The following PCDH18 variants were observed in gnomAD, a reference collection of about 807,000 sequenced individuals.
PCDH18 encodes protocadherin 18, also known as protocadherin-18.
A neutral mutation model predicts 71.5 loss-of-function variants in PCDH18; 38 were observed. That is an observed-to-expected ratio of 0.53 (90% CI 0.41 to 0.70). The LOEUF (loss-of-function observed/expected upper bound fraction) is 0.70. Ranked by LOEUF, PCDH18 falls within the 30% of genes least tolerant of loss-of-function variation. The pLI, the probability that PCDH18 is intolerant of heterozygous loss-of-function variation, is 0.00. For synonymous variants in PCDH18, 565 were observed against 505.4 expected, an observed-to-expected ratio of 1.12 and a Z score of -1.58; for missense variants, 1,334 against 1,384.6, an observed-to-expected ratio of 0.96 and a Z score of 0.58.
At position 137,531,018 on chromosome 4, in the gene PCDH18, G is replaced by A. The variant is rs749659179; in HGVS notation, c.1071C>T (p.Asn357=). ...VNDNKPEINI[N]LMSPGKEEIS... ...TTTCTTCTTTTCCAGGGGACATGAG[G>A]TTGATGTTAATTTCAGGTTTATTGT... The change falls in exon 1 of 4, where the codon AAC becomes AAT. Residue 357 remains asparagine, a synonymous_variant. Transcript: ENST00000344876. 9.3e-6 allele frequency: 15 copies of A among 1,609,802 alleles called. No individual in the cohort carries two copies. The highest frequency in any genetic ancestry group is 6.7e-5 in the African/African-American group (5 of 74,604).
intron 1 of PCDH18, 167 bp downstream of exon 1, chr4:137,529,435 T>C (rs1731579228): frequency 1.9e-6 from 1 of 526,812 alleles, no homozygotes; most frequent in East Asian, 2.8e-5. Context: ...AACAGTATGC[T>C]AAAGTGTGCA....
chr4:137,528,896 G>T, intron 1 of PCDH18, 76 bp from the exon 2 acceptor site: 1 of 1,001,332 alleles, frequency 1.0e-6, no homozygotes, highest in Non-Finnish European at 1.6e-6. Context: ...AAGAAAAACA[G>T]TTGCTTGCTA....
At chr4:137,524,915 C>T (rs572954597) in intron 3 of PCDH18, among the ~76,000 whole-genome samples, 11 of 152,174 alleles carry the variant, frequency 7.2e-5, no homozygotes, top group Admixed American at 5.9e-4. Context: ...CACACTAAAC[C>T]TGTCATGGAA....
At chr4:137,529,429 G>C (rs1731578191) in intron 1 of PCDH18, 173 bp downstream of exon 1, 1 of 484,186 alleles carries the variant, frequency 2.1e-6, no homozygotes, top group Non-Finnish European at 3.6e-6. Flanking sequence ...ACTAAAAACA[G>C]TATGCTAAAG....
chr4:137,530,366 C>G lies in PCDH18; in HGVS notation c.1723G>C (p.Val575Leu). ...TTACGCAATGCAGGCCCTATAACCA[C>G]AGGAACGTTGTCATTTTCGTCAATG... Reference protein sequence around the residue: ...TIIDENDNVPVVIGPALRNNT... With the variant: ...TIIDENDNVPLVIGPALRNNT... Residue 575 changes from valine (V) to leucine (L), a missense_variant, in exon 1 of 4, where the codon GTG becomes CTG. Val to Leu is a conservative substitution (Grantham distance 32). Around this residue, in one of 3 missense-constraint regions of PCDH18, gnomAD observed 1,011 missense variants for 1,048.0 expected, o/e 0.96. Coordinates refer to ENST00000344876, the MANE Select transcript of PCDH18 (RefSeq NM_019035.5). The G allele has an allele frequency of 6.2e-7, 1 of 1,614,100 alleles. No homozygotes were observed. The highest frequency in any genetic ancestry group is 1.1e-5 in the South Asian group (1 of 91,080).
intron 3 of PCDH18, among the ~76,000 whole-genome samples, chr4:137,522,797 T>A (rs1289006053): frequency 2.6e-5 from 4 of 152,184 alleles, no homozygotes; most frequent in African/African-American, 9.7e-5. Context: ...CCCATTCCCT[T>A]ATTAGAGGAA....
rs544777252 is a variant in PCDH18 at position 137,528,829 on chromosome 4, C to G, written c.2488-9G>C. The G allele has an allele frequency of 1.4e-5, 23 of 1,592,020 alleles. No homozygotes were observed. The highest frequency in any genetic ancestry group is 1.2e-4 in the African/African-American group (9 of 74,550). On this transcript the variant is annotated splice_polypyrimidine_tract_variant and intron_variant, in intron 1 of 3. Coordinates refer to ENST00000344876, the MANE Select transcript of PCDH18 (RefSeq NM_019035.5). The stretch of plus-strand genomic sequence containing the variant: ...AGAAGCTGAGAGACCTGCTGGAAAC[C>G]AAATAGACAGAACTGATTCCCGGAA...
In PCDH18 at chr4:137,521,208, A is replaced by T. The variant is rs747138031; in HGVS notation, c.3229T>A (p.Ser1077Thr). The T allele has an allele frequency of 1.9e-6, 3 of 1,614,010 alleles. No homozygotes were observed. The highest frequency in any genetic ancestry group is 1.1e-5 in the South Asian group (1 of 91,078). The change falls in exon 4 of 4, where the codon TCC becomes ACC. Residue 1077 changes from serine (S) to threonine (T), a missense_variant. Around this residue, in one of 3 missense-constraint regions of PCDH18, gnomAD observed 319 missense variants for 316.3 expected, o/e 1.01. Transcript: ENST00000344876. The stretch of plus-strand genomic sequence containing the variant: ...CATTTTGAAGAAGGCTGCACACTGG[A>T]GTGAGTTCCAAGTGGCGGCCCACAG... ...TNCGPPLGTH[S>T]SVQPSSKWLP...
chr4:137,530,724 G>T lies in PCDH18; in HGVS notation c.1365C>A (p.Ile455=). 6.2e-7 allele frequency: 1 copy of T among 1,613,074 alleles called. No individual in the cohort carries two copies. The highest frequency in any genetic ancestry group is 8.5e-7 in the Non-Finnish European group (1 of 1,179,334). ...GGGGTGGATTGTCATTGATATCATT[G>T]ATTTGAACTGTAAAATGTTTCACTG... ...LSTVKHFTVQ[I]NDINDNPPHF... is the part of the protein sequence containing the mutation. Residue 455 remains isoleucine, a synonymous_variant, in exon 1 of 4, where the codon ATC becomes ATA. Coordinates refer to ENST00000344876, the MANE Select transcript of PCDH18 (RefSeq NM_019035.5).
intron 3 of PCDH18, among the ~76,000 whole-genome samples, chr4:137,523,150 A>T (rs115688393): frequency 0.015 from 2,357 of 152,282 alleles, 60 homozygotes; most frequent in African/African-American, 0.054. Flanking sequence ...GCAGAAAAAA[A>T]GTGGAGAAAG....
chr4:137,531,945 T>C lies in PCDH18; in HGVS notation c.144A>G (p.Ser48=). 17 of 1,614,150 alleles carry C rather than the reference T, an allele frequency of 1.1e-5. No homozygotes were observed. Among genetic ancestry groups the C allele is most frequent in the Non-Finnish European group, 1.4e-5 (17 of 1,180,014 alleles). The change falls in exon 1 of 4, where the codon TCA becomes TCG. Residue 48 remains serine, a synonymous_variant. Transcript: ENST00000344876. ...TCAATAAAACATCAGCCACATCCTC[T>C]GATAGTCTTGCAATTACTGATCCAA... The part of the protein sequence containing the change: ...QRVGSVIARL[S]EDVADVLLKL...
chr4:137,529,863 A>T lies in PCDH18; in HGVS notation c.2226T>A (p.Thr742=), dbSNP rs754513669. The T allele has an allele frequency of 1.2e-6, 2 of 1,613,518 alleles. No homozygotes were observed. The highest frequency in any genetic ancestry group is 1.7e-5 in the Admixed American group (1 of 59,958). Residue 742 remains threonine (T), a synonymous_variant, in exon 1 of 4, where the codon ACT becomes ACA. Coordinates refer to ENST00000344876, the MANE Select transcript of PCDH18 (RefSeq NM_019035.5). ...RSYNCRVAES[T]YQHHPKRPSR... is the part of the protein sequence containing the mutation. ...ATGGCCTTTTTGGGTGGTGCTGGTAAGTTGATTCGGCCACCCTGCAGTTAT... is the reference window on the plus strand; with the variant it reads ...ATGGCCTTTTTGGGTGGTGCTGGTATGTTGATTCGGCCACCCTGCAGTTAT...
rs1321166665 is a variant in PCDH18 at position 137,528,482 on chromosome 4, T to A, written c.2736A>T (p.Pro912=). The part of the protein sequence containing the change: ...SDLFLTDGRI[P]AAMRLCTEEC... Reference sequence around the variant, plus strand: ...TTTCTATCACTACCCTCTTACCTGCTGGAATTCTTCCATCTGTGAGAAACA... The same window carrying A: ...TTTCTATCACTACCCTCTTACCTGCAGGAATTCTTCCATCTGTGAGAAACA... The change falls in exon 3 of 4, where the codon CCA becomes CCT. Residue 912 remains proline (P), a synonymous_variant. Transcript: ENST00000344876. 6.2e-7 allele frequency: 1 copy of A among 1,613,754 alleles called. No individual in the cohort carries two copies. Among genetic ancestry groups the A allele is most frequent in the South Asian group, 1.1e-5 (1 of 91,048 alleles).
chr4:137,519,354 C>A lies in PCDH18; in HGVS notation c.*1675G>T, dbSNP rs1052200968. 2.0e-5 allele frequency: 3 copies of A among 152,116 alleles called. No homozygotes were observed. Among genetic ancestry groups the A allele is most frequent in the Non-Finnish European group, 4.4e-5 (3 of 68,024 alleles). 9.4% of individuals were successfully genotyped at this position (152,116 alleles called of 1,614,324 possible). ...GCCTCCTGGAAACATTGTAAGGATA[C>A]CTTTTTATCCTGCACAATTTAATAC... is the stretch of plus-strand genomic sequence containing the variant. On this transcript the variant is annotated 3_prime_UTR_variant, in exon 4 of 4. Coordinates refer to ENST00000344876, the MANE Select transcript of PCDH18 (RefSeq NM_019035.5).
rs1731639407 is a variant in PCDH18, at chr4:137,530,454, T to C, written c.1635A>G (p.Val545=). 3 of 1,614,006 alleles carry C rather than the reference T, an allele frequency of 1.9e-6. No individual in the cohort carries two copies. Among genetic ancestry groups the C allele is most frequent in the Middle Eastern group, 1.6e-4 (1 of 6,078 alleles). Residue 545 remains valine, a synonymous_variant, in exon 1 of 4, where the codon GTA becomes GTG. Transcript: ENST00000344876. ...HEEVSQITFV[V]EARDGGSPKQ... ...TCGGGCTTCCTCCATCTCTTGCTTC[T>C]ACCACAAAAGTGATCTGACTCACTT...
At chr4:137,528,339 G>T in intron 3 of PCDH18, 139 bp downstream of exon 3, 1 of 674,226 alleles carries the variant, frequency 1.5e-6, no homozygotes, top group Non-Finnish European at 2.6e-6. Context: ...AAACAGTGAT[G>T]AACATACTAT....
chr4:137,530,638 A>T lies in PCDH18; in HGVS notation c.1451T>A (p.Ile484Asn). The T allele has an allele frequency of 6.2e-7, 1 of 1,613,994 alleles. No homozygotes were observed. Among genetic ancestry groups the T allele is most frequent in the Non-Finnish European group, 8.5e-7 (1 of 1,179,956 alleles). The change falls in exon 1 of 4, where the codon ATC becomes AAC. Residue 484 changes from isoleucine to asparagine, a missense_variant. This residue lies in a region of PCDH18 where 1,011 missense variants were observed against 1,048.0 expected (regional missense o/e 0.96). Coordinates refer to ENST00000344876, the MANE Select transcript of PCDH18 (RefSeq NM_019035.5). The part of the protein sequence containing the change: ...ISENNSPGAY[I>N]TTVTATDPDL... ...AGGATCTGTGGCTGTAACAGTGGTG[A>T]TATATGCCCCTGGTGAGTTATTTTC...
intron 3 of PCDH18, among the ~76,000 whole-genome samples, chr4:137,523,397 A>G (rs1731359384): frequency 6.6e-6 from 1 of 152,072 alleles, no homozygotes; most frequent in South Asian, 2.1e-4. Context: ...AATTGGAATA[A>G]CTTAATAGCA....
chr4:137,525,683 C>T (rs556482693), intron 3 of PCDH18, among the ~76,000 whole-genome samples: 1 of 152,154 alleles, frequency 6.6e-6, no homozygotes, highest in South Asian at 2.1e-4. Context: ...TCCTGGTGCT[C>T]GATACCTCCA....
Sources: allele counts gnomAD v4.1 joint callset (sites outside exome capture counted in the v4.1 genomes callset), GRCh38; gene constraint gnomAD v4.1.1; regional missense constraint gnomAD v4.1.1; transcripts MANE v1.5; gene names NCBI Gene and HGNC (gene_info 2026-07-23, HGNC 2026-07-21).